CHST3: variants seen among roughly 807,000 people sequenced by gnomAD.
CHST3 encodes the protein C6ST-1.
In CHST3, 20 loss-of-function variants were observed where a neutral mutation model predicts 35.4. The ratio of observed to expected loss-of-function variants is 0.57; its 90% CI spans 0.40 to 0.82. CHST3 has a LOEUF of 0.82. CHST3 is among the 40% of genes least tolerant of loss of function. The pLI, the probability that CHST3 is intolerant of heterozygous loss-of-function variation, is 0.00. For synonymous variants in CHST3, 334 were observed against 295.9 expected, an observed-to-expected ratio of 1.13 and a Z score of -1.32; for missense variants, 693 against 670.1, an observed-to-expected ratio of 1.03 and a Z score of -0.38.
intron 1 of CHST3, among the ~76,000 whole-genome samples, chr10:71,966,022 T>A (rs1324033092): frequency 6.6e-6 from 1 of 152,072 alleles, no homozygotes; most frequent in Non-Finnish European, 1.5e-5. Flanking sequence ...TTTGGCAGAT[T>A]CTGTGGGGTC....
intron 1 of CHST3, among the ~76,000 whole-genome samples, chr10:71,985,400 G>A (rs1839838788): frequency 6.6e-6 from 1 of 152,144 alleles, no homozygotes; most frequent in South Asian, 2.1e-4. Context: ...TTCTCCCCCT[G>A]CCATGAGGAG....
chr10:71,978,304 T>C (rs919226904), intron 1 of CHST3, among the ~76,000 whole-genome samples: 2 of 147,560 alleles, frequency 1.4e-5, no homozygotes, highest in Non-Finnish European at 3.0e-5. Flanking sequence ...AGACGGAGGT[T>C]GCGGTGAGCC....
Position 72,008,286 on chromosome 10 carries a change from A to G in CHST3, c.1255A>G (p.Lys419Glu), listed in dbSNP as rs1179316097. ...HDGSGIYSTQ[K>E]NSSEQFEKWR... ...CGGCAGCGGCATCTACTCCACGCAG[A>G]AGAACTCCTCGGAGCAGTTCGAGAA... Residue 419 changes from lysine to glutamate, a missense_variant, in exon 3 of 3, where the codon AAG (lysine) becomes GAG (glutamate). By Grantham distance (56) the Lys-to-Glu change is moderately conservative. Transcript: ENST00000373115. 1 of 1,586,846 alleles carries G rather than the reference A, an allele frequency of 6.3e-7. No individual in the cohort carries two copies. The highest frequency in any genetic ancestry group is 1.3e-5 in the African/African-American group (1 of 74,472).
At chr10:71,989,727 C>T (rs1839880194) in intron 1 of CHST3, among the ~76,000 whole-genome samples, 1 of 152,160 alleles carries the variant, frequency 6.6e-6, no homozygotes, top group South Asian at 2.1e-4. Flanking sequence ...AGTGACAGTT[C>T]CCACCCATTC....
At chr10:71,970,608 T>C (rs1839684215) in intron 1 of CHST3, among the ~76,000 whole-genome samples, 1 of 152,098 alleles carries the variant, frequency 6.6e-6, no homozygotes, top group South Asian at 2.1e-4. Context: ...GGAACATGTA[T>C]ATGGGAGAGA....
intron 1 of CHST3, among the ~76,000 whole-genome samples, chr10:71,986,237 A>G (rs576040088): frequency 2.6e-5 from 4 of 152,258 alleles, no homozygotes; most frequent in African/African-American, 9.6e-5. Context: ...TGGGTGCTCT[A>G]AAAGTAGTGG....
rs2131778021 is a variant in CHST3, at chr10:72,009,071, T to TA, written c.*601dup. 6.5e-6 allele frequency: 1 copy of TA among 152,798 alleles called. No homozygotes were observed. Among genetic ancestry groups the TA allele is most frequent in the African/African-American group, 2.4e-5 (1 of 41,550 alleles). The allele number at this position is 152,798 out of a possible 1,614,324, so 9.5% of individuals were successfully genotyped here. A position where few individuals can be genotyped will look rare whatever the true frequency, so the allele number is the denominator to read the frequency against. The stretch of plus-strand genomic sequence containing the variant: ...GTTACTGATGAATATGGGCCCCTTA[T>TA]AGAGCTGCAAAACACACACATGCGT... On this transcript the variant is annotated 3_prime_UTR_variant, in exon 3 of 3. Transcript: ENST00000373115.
chr10:71,966,654 A>C (rs1564522606), intron 1 of CHST3, among the ~76,000 whole-genome samples: 1 of 152,220 alleles, frequency 6.6e-6, no homozygotes, highest in African/African-American at 2.4e-5. Context: ...TTTCAGGTGG[A>C]ACCCTGCAGC....
At chr10:71,986,612 G>T (rs1839849338) in intron 1 of CHST3, among the ~76,000 whole-genome samples, 1 of 152,226 alleles carries the variant, frequency 6.6e-6, no homozygotes, top group South Asian at 2.1e-4. Context: ...GTCCAGGTGT[G>T]CCCAGGCCCG....
At position 71,967,975 on chromosome 10, in the gene CHST3, A is replaced by ATTTTTTTTTTTTTTTTT. The variant is rs61420934; in HGVS notation, c.-108+3296_-108+3297insTTTTTTTTTTTTTTTTT. Among the ~76,000 whole-genome samples the ATTTTTTTTTTTTTTTTT allele has an allele frequency of 3.9e-3, 551 of 141,672 alleles. 1 individual carries two copies. Among genetic ancestry groups the ATTTTTTTTTTTTTTTTT allele is most frequent in the East Asian group, 8.5e-3 (40 of 4,718 alleles). 92.9% of individuals were successfully genotyped at this position (141,672 alleles called of 152,430 possible). On this transcript the variant is annotated intron_variant, in intron 1 of 2. Coordinates refer to ENST00000373115, the MANE Select transcript of CHST3 (RefSeq NM_004273.5). ...AGGCGTGCACCACCATGCGTGGCTAATTTTTTTTTTTTTTTGTATTTTAGT... is the reference window on the plus strand; with the variant it reads ...AGGCGTGCACCACCATGCGTGGCTAATTTTTTTTTTTTTTTTTTTTTTTTTTTTTTTTGTATTTTAGT...
intron 1 of CHST3, among the ~76,000 whole-genome samples, chr10:71,987,558 A>G (rs140781042): frequency 0.013 from 2,010 of 152,116 alleles, 55 homozygotes; most frequent in African/African-American, 0.045. Flanking sequence ...TACTAAAAAT[A>G]CAAAAAAATT....
At chr10:72,003,552 T>C (rs1169820923) in intron 1 of CHST3, among the ~76,000 whole-genome samples, 1 of 151,824 alleles carries the variant, frequency 6.6e-6, no homozygotes, top group East Asian at 1.9e-4. Flanking sequence ...AATACAAAAA[T>C]TAGCTGGGAG....
intron 1 of CHST3, among the ~76,000 whole-genome samples, chr10:71,967,399 C>G (rs1051580804): frequency 6.6e-6 from 1 of 152,130 alleles, no homozygotes; most frequent in African/African-American, 2.4e-5. Context: ...ATGTTTAGCT[C>G]CCACTTCTAA....
chr10:71,975,959 C>T (rs1157140725), intron 1 of CHST3, among the ~76,000 whole-genome samples: 1 of 152,222 alleles, frequency 6.6e-6, no homozygotes, highest in Non-Finnish European at 1.5e-5. Context: ...GGCCTGAGCT[C>T]CCGCGGTAGA....
rs1217161333 is a variant in CHST3 at position 72,008,207 on chromosome 10, C to T, written c.1176C>T (p.Pro392=). The stretch of plus-strand genomic sequence containing the variant: ...AGATGTACCGCTTCGCCGGCATCCC[C>T]CTGACCCCGCAGGTGGAAGACTGGA... ...AREMYRFAGI[P]LTPQVEDWIQ... The change falls in exon 3 of 3, where the codon CCC becomes CCT. Residue 392 remains proline (P), a synonymous_variant. Coordinates refer to ENST00000373115, the MANE Select transcript of CHST3 (RefSeq NM_004273.5). 9.0e-6 allele frequency: 14 copies of T among 1,552,674 alleles called. No individual in the cohort carries two copies. Among genetic ancestry groups the T allele is most frequent in the Non-Finnish European group, 1.1e-5 (13 of 1,148,178 alleles).
intron 1 of CHST3, among the ~76,000 whole-genome samples, chr10:71,971,135 T>C (rs1839690868): frequency 6.6e-6 from 1 of 152,164 alleles, no homozygotes; most frequent in Non-Finnish European, 1.5e-5. Context: ...CGGAGGGTCC[T>C]CACCTTGCAT....
At chr10:71,998,352 G>GTCCA (rs576080115) in intron 1 of CHST3, among the ~76,000 whole-genome samples, 255 of 152,306 alleles carry the variant, frequency 1.7e-3, no homozygotes, top group Middle Eastern at 3.4e-3. Flanking sequence ...CTTGGTCTAT[G>GTCCA]TCCAGGTCGG....
At position 72,008,358 on chromosome 10, in the gene CHST3, G is replaced by T; in HGVS notation, c.1327G>T (p.Ala443Ser). The change falls in exon 3 of 3, where the codon GCC (alanine) becomes TCC (serine). Residue 443 changes from alanine to serine, a missense_variant. Physicochemically the swap from Ala to Ser is moderately conservative, Grantham distance 99. Coordinates refer to ENST00000373115, the MANE Select transcript of CHST3 (RefSeq NM_004273.5). ...PFKLAQVVQA[A>S]CGPAMRLFGY... ...CAAGCTGGCCCAGGTGGTGCAGGCC[G>T]CCTGCGGCCCTGCCATGCGCCTCTT... 1 of 1,565,806 alleles carries T rather than the reference G, an allele frequency of 6.4e-7. No individual in the cohort carries two copies.
intron 1 of CHST3, among the ~76,000 whole-genome samples, chr10:71,988,483 A>G (rs2131752185): frequency 6.6e-6 from 1 of 152,198 alleles, no homozygotes; most frequent in South Asian, 2.1e-4. Flanking sequence ...CAGGTCATTT[A>G]AAAGTGTGTG....
Sources: allele counts gnomAD v4.1 joint callset (sites outside exome capture counted in the v4.1 genomes callset), GRCh38; gene constraint gnomAD v4.1.1; transcripts MANE v1.5; gene names NCBI Gene and HGNC (gene_info 2026-07-23, HGNC 2026-07-21).